SUCLG2: variants seen among roughly 807,000 people sequenced by gnomAD.
SUCLG2 encodes the protein succinate-CoA ligase GDP-forming subunit beta, also known as succinate--CoA ligase [GDP-forming] subunit beta, mitochondrial.
SUCLG2 carries 42 observed loss-of-function variants against 47.9 expected under a neutral mutation model. That is an observed-to-expected ratio of 0.88 (90% confidence interval 0.69 to 1.14). The LOEUF (loss-of-function observed/expected upper bound fraction) is 1.14, where lower values mean the gene tolerates loss of function less well. Ranked by LOEUF, SUCLG2 falls within the 50% of genes most tolerant of loss-of-function variation. SUCLG2 has a pLI of 0.00. For synonymous variants in SUCLG2, 195 were observed against 197.3 expected, an observed-to-expected ratio of 0.99 and a Z score of 0.10; for missense variants, 571 against 525.9, an observed-to-expected ratio of 1.09 and a Z score of -0.84.
chr3:67,600,332 A>G (rs190723855), intron 2 of SUCLG2, among the ~76,000 whole-genome samples: 1 of 152,334 alleles, frequency 6.6e-6, no homozygotes, highest in East Asian at 1.9e-4. Flanking sequence ...GGCTCAGTTC[A>G]ATCCAAAAAA....
At chr3:67,548,772 T>G (rs542502394) in intron 2 of SUCLG2, among the ~76,000 whole-genome samples, 1 of 152,304 alleles carries the variant, frequency 6.6e-6, no homozygotes, top group East Asian at 1.9e-4. Context: ...CCTAAATACT[T>G]ACTGAGACTA....
chr3:67,386,586 C>T (rs1702266057), intron 10 of SUCLG2, among the ~76,000 whole-genome samples: 4 of 152,156 alleles, frequency 2.6e-5, no homozygotes, highest in African/African-American at 7.2e-5. Flanking sequence ...GGACGTCTTA[C>T]ATGGTGGCAG....
chr3:67,575,283 G>C lies in SUCLG2; in HGVS notation c.226+34172C>G, dbSNP rs150727874. On this transcript the variant is annotated intron_variant, in intron 2 of 10. Transcript: ENST00000307227. ...CAGTATTATTAATAATAGCCTCAAA[G>C]TGCAAACAATCTAAATGTCCACCAA... 6.1e-3 allele frequency among the ~76,000 whole-genome samples: 926 copies of C among 152,256 alleles called. 9 individuals are homozygous for C. Among genetic ancestry groups the C allele is most frequent in the Non-Finnish European group, 0.01 (713 of 68,024 alleles).
At chr3:67,479,475 T>C (rs1413053788) in intron 9 of SUCLG2, among the ~76,000 whole-genome samples, 3 of 152,230 alleles carry the variant, frequency 2.0e-5, no homozygotes, top group African/African-American at 7.2e-5. Flanking sequence ...CACTCTATTA[T>C]CACGATGTTT....
Position 67,584,840 on chromosome 3 carries a change from T to C in SUCLG2, c.226+24615A>G, listed in dbSNP as rs539431368. 3.9e-5 allele frequency among the ~76,000 whole-genome samples: 6 copies of C among 152,154 alleles called. No individual in the cohort carries two copies. The East Asian group carries it at 1.2e-3, about 29-fold the overall frequency. ...GCAGGAAGAGCCCCTTATAAAACCATCAGATCTCATGCGAACTCACTCACT... is the reference window on the plus strand; with the variant it reads ...GCAGGAAGAGCCCCTTATAAAACCACCAGATCTCATGCGAACTCACTCACT... On this transcript the variant is annotated intron_variant, in intron 2 of 10. Transcript: ENST00000307227.
intron 10 of SUCLG2, chr3:67,376,168 G>C (rs1702031605): frequency 1.1e-6 from 1 of 917,544 alleles, no homozygotes; most frequent in Non-Finnish European, 1.3e-6. Context: ...GCCCACACCA[G>C]AAGTCACTTG....
At chr3:67,653,202 G>T (rs1289286474) in intron 1 of SUCLG2, among the ~76,000 whole-genome samples, 1 of 152,160 alleles carries the variant, frequency 6.6e-6, no homozygotes, top group African/African-American at 2.4e-5. Flanking sequence ...CTACACTCAT[G>T]GTAAGCACCC....
At chr3:67,552,270 G>A (rs1707036404) in intron 2 of SUCLG2, among the ~76,000 whole-genome samples, 1 of 151,746 alleles carries the variant, frequency 6.6e-6, no homozygotes, top group African/African-American at 2.4e-5. Context: ...CTATATGAAA[G>A]GCTGTGCCCA....
chr3:67,546,375 A>C (rs1238475212), intron 2 of SUCLG2, among the ~76,000 whole-genome samples: 1 of 152,170 alleles, frequency 6.6e-6, no homozygotes, highest in Non-Finnish European at 1.5e-5. Flanking sequence ...GTTTCATATG[A>C]ACCAAGCAGT....
At chr3:67,623,921 CA>C (rs141677884) in intron 1 of SUCLG2, among the ~76,000 whole-genome samples, 33 of 152,308 alleles carry the variant, frequency 2.2e-4, no homozygotes, top group African/African-American at 7.5e-4. Context: ...TCAAACATGT[CA>C]TCTCAATGCA....
chr3:67,639,976 G>C (rs2107367033), intron 1 of SUCLG2, among the ~76,000 whole-genome samples: 1 of 152,276 alleles, frequency 6.6e-6, no homozygotes, highest in Middle Eastern at 3.4e-3. Flanking sequence ...CTTAAAGATA[G>C]AGAAAACTTT....
intron 1 of SUCLG2, among the ~76,000 whole-genome samples, chr3:67,627,187 G>A (rs1700847712): frequency 6.6e-6 from 1 of 150,396 alleles, no homozygotes; most frequent in South Asian, 2.1e-4. Context: ...GTTCTGAGGA[G>A]CTTGACCATT....
intron 9 of SUCLG2, among the ~76,000 whole-genome samples, chr3:67,410,349 G>A (rs1702907242): frequency 6.6e-6 from 1 of 152,158 alleles, no homozygotes; most frequent in East Asian, 1.9e-4. Context: ...CAGGGTAGTA[G>A]TGGTTAAGTC....
chr3:67,621,131 C>T (rs970085038), intron 1 of SUCLG2, among the ~76,000 whole-genome samples: 2 of 152,140 alleles, frequency 1.3e-5, no homozygotes, highest in African/African-American at 4.8e-5. Context: ...GCAAACTAGC[C>T]ATCAATCATA....
chr3:67,411,217 T>C (rs2106836881), intron 9 of SUCLG2, among the ~76,000 whole-genome samples: 1 of 151,198 alleles, frequency 6.6e-6, no homozygotes, highest in Non-Finnish European at 1.5e-5. Flanking sequence ...TATTTGTGAT[T>C]AACATCAATT....
chr3:67,452,907 G>T (rs1245562473), intron 9 of SUCLG2, among the ~76,000 whole-genome samples: 2 of 152,152 alleles, frequency 1.3e-5, no homozygotes, highest in Non-Finnish European at 2.9e-5. Context: ...CCATTGCACT[G>T]CCTTTTGAAA....
chr3:67,424,864 G>A (rs1311653063), intron 9 of SUCLG2, among the ~76,000 whole-genome samples: 1 of 152,016 alleles, frequency 6.6e-6, no homozygotes, highest in African/African-American at 2.4e-5. Context: ...TGAATATGTT[G>A]CTTAGCATTC....
chr3:67,498,532 T>C (rs1705412598), intron 7 of SUCLG2, among the ~76,000 whole-genome samples: 1 of 152,210 alleles, frequency 6.6e-6, no homozygotes, highest in African/African-American at 2.4e-5. Flanking sequence ...GTTGTTCTCA[T>C]TTCAATAGAA....
At chr3:67,586,498 A>T (rs1391734687) in intron 2 of SUCLG2, among the ~76,000 whole-genome samples, 1 of 152,216 alleles carries the variant, frequency 6.6e-6, no homozygotes, top group Admixed American at 6.5e-5. Flanking sequence ...CTAATGTGCC[A>T]ATTTCAGTCC....
Sources: allele counts gnomAD v4.1 joint callset (sites outside exome capture counted in the v4.1 genomes callset), GRCh38; gene constraint gnomAD v4.1.1; transcripts MANE v1.5; gene names NCBI Gene and HGNC (gene_info 2026-07-23, HGNC 2026-07-21).